The following PCDH15 variants were observed in gnomAD, a reference collection of about 807,000 sequenced individuals.
PCDH15 encodes protocadherin-15.
A neutral mutation model predicts 178.5 loss-of-function variants in PCDH15; 129 were observed. That is an observed-to-expected ratio of 0.72 (90% CI 0.63 to 0.84). PCDH15 has a LOEUF of 0.84. PCDH15 is among the 40% of genes least tolerant of loss of function. The probability of loss-of-function intolerance (pLI) is 0.00; values close to 1 mark genes in which losing one functional copy is unlikely to be tolerated. For missense variants in PCDH15, 2,230 were observed against 2,099.9 expected, an observed-to-expected ratio of 1.06 and a Z score of -1.21; for synonymous variants, 800 against 732.0, an observed-to-expected ratio of 1.09 and a Z score of -1.50.
chr10:54,044,805 TTG>T (rs1425845154), intron 18 of PCDH15, among the ~76,000 whole-genome samples: 2 of 152,180 alleles, frequency 1.3e-5, no homozygotes, highest in Non-Finnish European at 2.9e-5. Context: ...AGCCGCATCA[TTG>T]TGTTCTTTCC....
rs569140787 is a variant in PCDH15 at position 54,543,514 on chromosome 10, C to G, written c.92-15637G>C. ...TGCCCTGCGAGGAGGACAAGGGAAC[C>G]TTTCCCATTTCGTTTTCATTGTTTC... On this transcript the variant is annotated intron_variant, in intron 2 of 37. Transcript: ENST00000644397. 6.6e-5 allele frequency among the ~76,000 whole-genome samples: 10 copies of G among 152,290 alleles called. No individual in the cohort carries two copies. The South Asian group carries it at 1.9e-3, about 28-fold the overall frequency.
At chr10:55,613,444 G>C (rs1227891353) in intron 2 of PCDH15, among the ~76,000 whole-genome samples, 1 of 152,028 alleles carries the variant, frequency 6.6e-6, no homozygotes, top group African/African-American at 2.4e-5. Flanking sequence ...TATAATATGT[G>C]AACTGATTAT....
At chr10:53,946,061 A>G (rs145432280) in intron 23 of PCDH15, among the ~76,000 whole-genome samples, 6 of 152,034 alleles carry the variant, frequency 3.9e-5, no homozygotes, top group African/African-American at 1.4e-4. Flanking sequence ...ATGACCAGTA[A>G]ATATGTGAAA....
At chr10:54,886,162 C>T (rs1038830403) in intron 3 of PCDH15, among the ~76,000 whole-genome samples, 1 of 145,186 alleles carries the variant, frequency 6.9e-6, no homozygotes, top group South Asian at 2.1e-4. Context: ...AAGTTAATGG[C>T]AGTAGGTTCA....
At chr10:54,753,858 TG>T (rs1199082241) in intron 1 of PCDH15, among the ~76,000 whole-genome samples, 22 of 31,656 alleles carry the variant, frequency 6.9e-4, no homozygotes, top group Non-Finnish European at 3.2e-4. Flanking sequence ...CTTTTTCTAT[TG>T]TTTTTTTTTT....
intron 15 of PCDH15, among the ~76,000 whole-genome samples, chr10:54,105,399 T>C (rs2094900864): frequency 1.3e-5 from 2 of 150,628 alleles, no homozygotes; most frequent in Non-Finnish European, 2.9e-5. Flanking sequence ...TATTAAGTAG[T>C]ATTAACTCAC....
chr10:53,872,298 G>GTC (rs1481525713), intron 26 of PCDH15, among the ~76,000 whole-genome samples: 1 of 152,102 alleles, frequency 6.6e-6, no homozygotes, highest in Non-Finnish European at 1.5e-5. Context: ...TCACACTTTA[G>GTC]TCTTTTGCCT....
chr10:54,715,985 C>T (rs2095475671), intron 1 of PCDH15, among the ~76,000 whole-genome samples: 1 of 152,132 alleles, frequency 6.6e-6, no homozygotes, highest in African/African-American at 2.4e-5. Flanking sequence ...ACTCACTCTT[C>T]TAGGTTATGA....
At chr10:53,995,521 T>C in intron 21 of PCDH15, 128 bp downstream of exon 21, 2 of 1,543,568 alleles carry the variant, frequency 1.3e-6, no homozygotes, top group Non-Finnish European at 1.8e-6. Context: ...TAAAAGAACA[T>C]AAAATGTATG....
intron 2 of PCDH15, among the ~76,000 whole-genome samples, chr10:55,445,215 A>C (rs140654010): frequency 6.6e-6 from 1 of 152,140 alleles, no homozygotes; most frequent in Non-Finnish European, 1.5e-5. Context: ...TCACCTAATG[A>C]GGCAGAAACG....
chr10:55,610,652 C>T (rs1224389014), intron 2 of PCDH15, among the ~76,000 whole-genome samples: 1 of 152,026 alleles, frequency 6.6e-6, no homozygotes, highest in Non-Finnish European at 1.5e-5. Context: ...TTAAAAGATA[C>T]TGTTGAAAAT....
chr10:54,730,314 C>T (rs977744495), intron 1 of PCDH15, among the ~76,000 whole-genome samples: 27 of 151,586 alleles, frequency 1.8e-4, no homozygotes, highest in African/African-American at 6.5e-4. Context: ...AACCAAATGC[C>T]ATATATTCTC....
In PCDH15 at chr10:55,615,326, A is replaced by C. The variant is rs566506461; in HGVS notation, c.-156+12299T>G. Among the ~76,000 whole-genome samples, 6 of 152,334 alleles carry C rather than the reference A, an allele frequency of 3.9e-5. No homozygotes were observed. In the South Asian group the frequency reaches 6.2e-4, roughly 16 times the overall value. ...CTGTGAAAAACAGTAGTAAACAATA[A>C]AAATCACTTACTCATTGGAAACACT... On this transcript the variant is annotated intron_variant, in intron 2 of 5. Transcript: ENST00000613346.
At chr10:54,686,784 C>A (rs557500921) in intron 1 of PCDH15, among the ~76,000 whole-genome samples, 4 of 152,110 alleles carry the variant, frequency 2.6e-5, no homozygotes, top group Non-Finnish European at 5.9e-5. Context: ...GGTACTATAT[C>A]AAACTAAAAA....
At chr10:55,542,000 G>A (rs1288701140) in intron 2 of PCDH15, among the ~76,000 whole-genome samples, 13 of 151,636 alleles carry the variant, frequency 8.6e-5, no homozygotes, top group Non-Finnish European at 1.9e-4. Context: ...ATAAACCTGA[G>A]AGGGAACAAA....
intron 2 of PCDH15, among the ~76,000 whole-genome samples, chr10:55,530,590 A>G (rs1363272869): frequency 5.3e-5 from 8 of 152,112 alleles, no homozygotes; most frequent in Non-Finnish European, 1.5e-5. Context: ...TTTAACAAAT[A>G]AAAAGTAACA....
In PCDH15 at chr10:54,726,267, T is replaced by C. The variant is rs868056603; in HGVS notation, c.-28-61977A>G. On this transcript the variant is annotated intron_variant, in intron 1 of 37. Coordinates refer to ENST00000644397, the MANE Select transcript of PCDH15 (RefSeq NM_001384140.1). ...CACATTCCACAGAAAAAAATTAGTT[T>C]AAATTTAGTTTCCTAAGAAAATAAT... Among the ~76,000 whole-genome samples the C allele has an allele frequency of 2.6e-5, 4 of 151,664 alleles. No homozygotes were observed. The South Asian group carries it at 6.2e-4, about 24-fold the overall frequency.
intron 30 of PCDH15, among the ~76,000 whole-genome samples, chr10:53,829,748 A>T (rs2076908345): frequency 6.6e-6 from 1 of 152,158 alleles, no homozygotes; most frequent in South Asian, 2.1e-4. Context: ...GACCTGCTTG[A>T]AAAATATTAA....
At chr10:55,474,807 T>G (rs1352257515) in intron 2 of PCDH15, among the ~76,000 whole-genome samples, 1 of 152,146 alleles carries the variant, frequency 6.6e-6, no homozygotes, top group Non-Finnish European at 1.5e-5. Context: ...TTTTCTTTTT[T>G]TGTATAATAA....
Sources: allele counts gnomAD v4.1 joint callset (sites outside exome capture counted in the v4.1 genomes callset), GRCh38; gene constraint gnomAD v4.1.1; transcripts MANE v1.5; gene names NCBI Gene and HGNC (gene_info 2026-07-23, HGNC 2026-07-21).